The following FADS1 variants were observed in gnomAD, a reference collection of about 807,000 sequenced individuals.
FADS1 encodes the protein fatty acid desaturase 1.
A neutral mutation model predicts 61.6 loss-of-function variants in FADS1; 17 were observed. The observed-to-expected ratio is 0.28, with a 90% CI of 0.19 to 0.41. The LOEUF is 0.41. Ranked by LOEUF, FADS1 falls within the 10% of genes least tolerant of loss-of-function variation. The probability of loss-of-function intolerance (pLI) is 1.00; values close to 1 mark genes in which losing one functional copy is unlikely to be tolerated. For synonymous variants in FADS1, 238 were observed against 258.7 expected (o/e 0.92, Z 0.77); for missense variants, 387 against 650.9 (o/e 0.59, Z 4.41).
chr11:61,807,064 C>T (rs749736306), intron 5 of FADS1, among the ~76,000 whole-genome samples: 4 of 152,170 alleles, frequency 2.6e-5, no homozygotes, highest in African/African-American at 7.2e-5. Context: ...TTTCTCCCAT[C>T]GTACTTTTTT....
chr11:61,808,153 T>C (rs1442681671), intron 5 of FADS1, among the ~76,000 whole-genome samples: 5 of 152,192 alleles, frequency 3.3e-5, no homozygotes, highest in Admixed American at 6.5e-5. Flanking sequence ...CTGGGCAACA[T>C]GGTGAAACCA....
In FADS1 at chr11:61,816,472, T is replaced by G. The variant is rs1204277710; in HGVS notation, c.375+83A>C. On this transcript the variant is annotated intron_variant, in intron 1 of 11. Transcript: ENST00000350997. This position sits in a 1 kb window ranked among gnomAD's most constrained non-coding sequence, Gnocchi z 7.0. ...GCTTTCCTCCGAATTAGTCGGTGTT[T>G]GGCTCGGAGTGCGTAACTCTGTCTC... 6.2e-7 allele frequency: 1 copy of G among 1,601,020 alleles called. No individual in the cohort carries two copies. Among genetic ancestry groups the G allele is most frequent in the Non-Finnish European group, 8.5e-7 (1 of 1,179,352 alleles).
rs369446157 is a variant in FADS1 at position 61,803,481 on chromosome 11, C to A, written c.1152-22G>T. On this transcript the variant is annotated intron_variant, in intron 8 of 11. Coordinates refer to ENST00000350997, the MANE Select transcript of FADS1 (RefSeq NM_013402.7). The surrounding 1 kb of genome is among the most constrained non-coding windows in gnomAD (Gnocchi z 4.3). The stretch of plus-strand genomic sequence containing the variant: ...GAACCTGTTAGATGTATTACACAGA[C>A]AAAAACAGTACACACAGAGCCCAGA... 2 of 1,586,808 alleles carry A rather than the reference C, an allele frequency of 1.3e-6. No homozygotes were observed. Among genetic ancestry groups the A allele is most frequent in the Non-Finnish European group, 1.7e-6 (2 of 1,155,290 alleles).
Position 61,803,208 on chromosome 11 carries a change from C to T in FADS1, c.1249-97G>A, listed in dbSNP as rs2066869533. 3.1e-6 allele frequency: 4 copies of T among 1,300,940 alleles called. No individual in the cohort carries two copies. In the Admixed American group the frequency reaches 7.1e-5, roughly 23 times the overall value. 80.6% of individuals were successfully genotyped at this position (1,300,940 alleles called of 1,614,324 possible). A position where few individuals can be genotyped will look rare whatever the true frequency, so the allele number is the denominator to read the frequency against. ...AGCTGGCTGAGGAAGGGACATGAGA[C>T]TGTCTTGGTCACTCCCTTCACATGG... On this transcript the variant is annotated intron_variant, in intron 9 of 11. Transcript: ENST00000350997. The surrounding 1 kb of genome is among the most constrained non-coding windows in gnomAD (Gnocchi z 4.3).
At chr11:61,813,218 C>T (rs199972438) in intron 2 of FADS1, 25 bp downstream of exon 2, 41 of 1,397,610 alleles carry the variant, frequency 2.9e-5, no homozygotes, top group South Asian at 1.0e-4. Flanking sequence ...CCAATAGTTG[C>T]GACATAGCAA....
rs1159828874 is a variant in FADS1 at position 61,803,134 on chromosome 11, A to G, written c.1249-23T>C. 9.9e-6 allele frequency: 16 copies of G among 1,612,008 alleles called. No individual in the cohort carries two copies. The highest frequency in any genetic ancestry group is 2.2e-5 in the East Asian group (1 of 44,878). ...GAGCTGGCGGAAAAGGTCAGGGGAG[A>G]GCATGTTGAATATCAGATGGAAAGG... On this transcript the variant is annotated intron_variant, in intron 9 of 11. Coordinates refer to ENST00000350997, the MANE Select transcript of FADS1 (RefSeq NM_013402.7). The surrounding 1 kb of genome is among the most constrained non-coding windows in gnomAD (Gnocchi z 4.3).
Position 61,816,291 on chromosome 11 carries a change from C to A in FADS1, c.375+264G>T. 1.3e-6 allele frequency: 2 copies of A among 1,598,336 alleles called. No homozygotes were observed. Among genetic ancestry groups the A allele is most frequent in the Non-Finnish European group, 8.5e-7 (1 of 1,179,760 alleles). On this transcript the variant is annotated intron_variant, in intron 1 of 11. Transcript: ENST00000350997. This position sits in a 1 kb window ranked among gnomAD's most constrained non-coding sequence, Gnocchi z 7.0. The stretch of plus-strand genomic sequence containing the variant: ...GGCTCGGGGCTGCAGATGGAATGCA[C>A]GGCAGGGAGGCGGGACCCTTTGTTT...
intron 3 of FADS1, chr11:61,812,074 G>C: frequency 3.2e-6 from 1 of 317,242 alleles, no homozygotes; most frequent in Non-Finnish European, 6.2e-6. Flanking sequence ...AACATGAGCA[G>C]AAGGCTTGCC....
At position 61,802,708 on chromosome 11, in the gene FADS1, C is replaced by A. The variant is rs1401813664; in HGVS notation, c.1454+93G>T. ...ACTCCATCCCACACGACTGGGAACA[C>A]CTTCTGTTCACTCCCCACCCTACAT... On this transcript the variant is annotated intron_variant, in intron 11 of 11. Transcript: ENST00000350997. This position sits in a 1 kb window ranked among gnomAD's most constrained non-coding sequence, Gnocchi z 4.2. The A allele has an allele frequency of 6.4e-7, 1 of 1,556,550 alleles. No individual in the cohort carries two copies.
chr11:61,804,951 A>T (rs573111234), intron 6 of FADS1, 190 bp from the exon 7 acceptor site: 9 of 587,734 alleles, frequency 1.5e-5, no homozygotes, highest in Non-Finnish European at 2.7e-5. Context: ...GCATAAATCC[A>T]AGTCTGGGGA....
At chr11:61,806,374 T>G (rs773368308) in intron 6 of FADS1, 193 of 395,156 alleles carry the variant, frequency 4.9e-4, no homozygotes, top group Non-Finnish European at 6.9e-4. Flanking sequence ...AAGATAAGGT[T>G]GAGGATAAAG....
At chr11:61,807,065 G>A (rs769056109) in intron 5 of FADS1, among the ~76,000 whole-genome samples, 8 of 152,050 alleles carry the variant, frequency 5.3e-5, no homozygotes, top group Non-Finnish European at 8.8e-5. Context: ...TTCTCCCATC[G>A]TACTTTTTTG....
At chr11:61,804,797 C>G (rs1278140494) in intron 6 of FADS1, 36 bp from the exon 7 acceptor site, 2 of 1,584,564 alleles carry the variant, frequency 1.3e-6, no homozygotes, top group African/African-American at 2.7e-5. Context: ...GAGGCATGAG[C>G]ACAGGAAGGT....
intron 6 of FADS1, chr11:61,805,061 G>T (rs543088196): frequency 1.7e-4 from 85 of 513,772 alleles, no homozygotes; most frequent in South Asian, 3.7e-4. Context: ...CATGGGACTT[G>T]CTCTGCTCCC....
chr11:61,808,909 C>T (rs2066913797), intron 5 of FADS1, among the ~76,000 whole-genome samples: 1 of 152,216 alleles, frequency 6.6e-6, no homozygotes, highest in Non-Finnish European at 1.5e-5. Flanking sequence ...TATAATTCAT[C>T]CTCTCCACCT....
intron 2 of FADS1, 109 bp from the exon 3 acceptor site, chr11:61,812,777 G>A (rs1334347772): frequency 5.4e-6 from 5 of 923,492 alleles, no homozygotes; most frequent in Middle Eastern, 6.1e-4. Context: ...GCTGTGGGAA[G>A]TCCACAGTCC....
intron 7 of FADS1, chr11:61,804,081 G>T: frequency 2.4e-6 from 1 of 422,544 alleles, no homozygotes; most frequent in Non-Finnish European, 4.3e-6. Flanking sequence ...CCATGGCTCA[G>T]TCCATGCCAG....
At chr11:61,812,803 C>A in intron 2 of FADS1, 135 bp from the exon 3 acceptor site, 1 of 721,486 alleles carries the variant, frequency 1.4e-6, no homozygotes, top group South Asian at 1.7e-5. Flanking sequence ...AAAGATACCA[C>A]GACAATGAGG....
Position 61,816,368 on chromosome 11 carries a change from A to G in FADS1, c.375+187T>C, listed in dbSNP as rs1388243605. 2 of 1,598,348 alleles carry G rather than the reference A, an allele frequency of 1.3e-6. No homozygotes were observed. Among genetic ancestry groups the G allele is most frequent in the Admixed American group, 1.7e-5 (1 of 60,004 alleles). ...CCCACTCCCCAGACTCCACTTCTCC[A>G]GGCCTCTCTCCCGCCTTTTCATCCC... On this transcript the variant is annotated intron_variant, in intron 1 of 11. Transcript: ENST00000350997. The surrounding 1 kb of genome is among the most constrained non-coding windows in gnomAD (Gnocchi z 7.0).
Sources: allele counts gnomAD v4.1 joint callset (sites outside exome capture counted in the v4.1 genomes callset), GRCh38; gene constraint gnomAD v4.1.1; non-coding constraint Gnocchi (gnomAD v3.1); transcripts MANE v1.5; gene names NCBI Gene and HGNC (gene_info 2026-07-23, HGNC 2026-07-21).